The following PARP8 variants were observed in gnomAD, a reference collection of about 807,000 sequenced individuals.
PARP8 encodes protein mono-ADP-ribosyltransferase PARP8.
Under a neutral mutation model 124.1 loss-of-function variants are expected in PARP8, and 51 were observed. The ratio of observed to expected loss-of-function variants is 0.41; its 90% CI spans 0.33 to 0.52. The LOEUF is 0.52. Among genes scored for constraint, PARP8 ranks in the 20% least tolerant of loss-of-function variants. The pLI is 0.21. For missense variants in PARP8, 860 were observed against 1,018.9 expected (o/e 0.84, Z 2.12); for synonymous variants, 391 against 361.5 (o/e 1.08, Z -0.93).
intron 2 of PARP8, chr5:50,669,071 T>C (rs61401688): frequency 0.53 from 80,640 of 152,138 alleles, 23,365 homozygotes; most frequent in East Asian, 0.64. Context: ...TGATGTGAAC[T>C]TTTAAAAACA....
intron 15 of PARP8, among the ~76,000 whole-genome samples, chr5:50,820,977 T>C (rs1185008352): frequency 6.6e-6 from 1 of 152,206 alleles, no homozygotes; most frequent in Non-Finnish European, 1.5e-5. Context: ...ATATAATGTG[T>C]GCCTTTGAAA....
intron 2 of PARP8, among the ~76,000 whole-genome samples, chr5:50,694,847 A>G (rs1454212938): frequency 1.3e-5 from 2 of 152,212 alleles, no homozygotes; most frequent in African/African-American, 4.8e-5. Flanking sequence ...TGTGCCTGAA[A>G]GCCTGAGAGC....
chr5:50,710,235 G>A (rs1754633280), intron 2 of PARP8, among the ~76,000 whole-genome samples: 1 of 151,702 alleles, frequency 6.6e-6, no homozygotes, highest in African/African-American at 2.4e-5. Context: ...TCATTACTTA[G>A]TGCACATTTT....
intron 14 of PARP8, among the ~76,000 whole-genome samples, chr5:50,807,185 G>A (rs922734342): frequency 1.3e-5 from 2 of 151,246 alleles, no homozygotes; most frequent in Non-Finnish European, 2.9e-5. Flanking sequence ...TATACTATCT[G>A]TCACTCCATT....
At chr5:50,745,966 A>T (rs1758496248) in intron 2 of PARP8, among the ~76,000 whole-genome samples, 1 of 152,110 alleles carries the variant, frequency 6.6e-6, no homozygotes, top group Non-Finnish European at 1.5e-5. Flanking sequence ...CAGGGCCATG[A>T]TTTCCAAAGC....
intron 2 of PARP8, among the ~76,000 whole-genome samples, chr5:50,747,026 T>A (rs1230315385): frequency 1.3e-5 from 2 of 152,066 alleles, no homozygotes; most frequent in Non-Finnish European, 2.9e-5. Flanking sequence ...AGACCTCATC[T>A]CTAAAAAAAA....
chr5:50,730,629 T>C (rs1435983000), intron 2 of PARP8, among the ~76,000 whole-genome samples: 1 of 152,162 alleles, frequency 6.6e-6, no homozygotes, highest in East Asian at 1.9e-4. Flanking sequence ...CACAAACCAA[T>C]TCTTATTTCT....
intron 17 of PARP8, among the ~76,000 whole-genome samples, chr5:50,823,627 C>A (rs1426087230): frequency 1.3e-5 from 2 of 152,142 alleles, no homozygotes; most frequent in African/African-American, 4.8e-5. Flanking sequence ...ATCATATAAA[C>A]ATTTTTAGTC....
At position 50,763,168 on chromosome 5, in the gene PARP8, G is replaced by A. The variant is rs1157613823; in HGVS notation, c.444G>A (p.Leu148=). 1.9e-6 allele frequency: 3 copies of A among 1,613,230 alleles called. No homozygotes were observed. In the African/African-American group the frequency reaches 4.0e-5, roughly 22 times the overall value. Residue 148 remains leucine (L), a synonymous_variant, in exon 7 of 26, where the codon CTG becomes CTA. Transcript: ENST00000281631. ...YGGQVNYDGE[L]HKHPQLEADL... ...ATCAGGTGAACTATGATGGGGAACTGCACAAGCACCCACAACTGGAAGCTG... is the reference window on the plus strand; with the variant it reads ...ATCAGGTGAACTATGATGGGGAACTACACAAGCACCCACAACTGGAAGCTG...
intron 2 of PARP8, among the ~76,000 whole-genome samples, chr5:50,749,450 T>TA (rs71612378): frequency 0.015 from 2,255 of 152,076 alleles, 59 homozygotes; most frequent in African/African-American, 0.052. Flanking sequence ...TTGACAGAGA[T>TA]AAAAAATGAA....
At chr5:50,754,231 G>A (rs1171659738) in intron 3 of PARP8, among the ~76,000 whole-genome samples, 1 of 148,064 alleles carries the variant, frequency 6.8e-6, no homozygotes, top group Admixed American at 6.7e-5. Context: ...TGTGCACAAC[G>A]TGCAGGTTTG....
At chr5:50,686,363 T>G (rs1751859554) in intron 2 of PARP8, among the ~76,000 whole-genome samples, 1 of 152,198 alleles carries the variant, frequency 6.6e-6, no homozygotes, top group African/African-American at 2.4e-5. Context: ...GTTCCCATGG[T>G]CTTGGGCAGC....
chr5:50,695,861 A>C (rs1461992760), intron 2 of PARP8, among the ~76,000 whole-genome samples: 1 of 152,214 alleles, frequency 6.6e-6, no homozygotes, highest in Non-Finnish European at 1.5e-5. Context: ...AAAATTTTTC[A>C]CTTGGATGAA....
chr5:50,736,946 A>G (rs768435652), intron 2 of PARP8, among the ~76,000 whole-genome samples: 5 of 152,180 alleles, frequency 3.3e-5, no homozygotes, highest in Non-Finnish European at 7.4e-5. Flanking sequence ...GATAAAATTA[A>G]CTTTTCCTCT....
intron 15 of PARP8, among the ~76,000 whole-genome samples, chr5:50,816,005 T>C (rs1745060697): frequency 6.6e-6 from 1 of 151,744 alleles, no homozygotes; most frequent in African/African-American, 2.4e-5. Flanking sequence ...TTTTTTTCCC[T>C]CTTAACCTGA....
intron 5 of PARP8, 34 bp from the exon 6 acceptor site, chr5:50,761,787 C>A: frequency 7.6e-7 from 1 of 1,320,816 alleles, no homozygotes; most frequent in Non-Finnish European, 1.1e-6. Context: ...AATAATTTGA[C>A]CATTAAATTG....
At chr5:50,814,686 G>A (rs575654365) in intron 14 of PARP8, among the ~76,000 whole-genome samples, 8 of 152,222 alleles carry the variant, frequency 5.3e-5, no homozygotes, top group East Asian at 1.9e-4. Flanking sequence ...AGAAGTAAGC[G>A]TAGGAGCAGT....
rs140628922 is a variant in PARP8, at chr5:50,671,988, C to T, written c.146+3863C>T. Among the ~76,000 whole-genome samples, 72 of 152,258 alleles carry T rather than the reference C, an allele frequency of 4.7e-4. No homozygotes were observed. The East Asian group carries it at 0.014, about 29-fold the overall frequency. On this transcript the variant is annotated intron_variant, in intron 2 of 25. Transcript: ENST00000281631. ...CAGGAGCTTCCGTCTAGATAAATAG[C>T]ACGCGTGACACTAATAATAGTAATG...
intron 18 of PARP8, among the ~76,000 whole-genome samples, chr5:50,826,187 A>C (rs1746332306): frequency 6.6e-6 from 1 of 152,092 alleles, no homozygotes; most frequent in Non-Finnish European, 1.5e-5. Flanking sequence ...AGAGTCTACC[A>C]AAACTTATTA....
Sources: allele counts gnomAD v4.1 joint callset (sites outside exome capture counted in the v4.1 genomes callset), GRCh38; gene constraint gnomAD v4.1.1; transcripts MANE v1.5; gene names NCBI Gene and HGNC (gene_info 2026-07-23, HGNC 2026-07-21).